ZNF202: variants seen among roughly 807,000 people sequenced by gnomAD.
ZNF202 encodes zinc finger protein with KRAB and SCAN domains 10.
Under a neutral mutation model 54.5 loss-of-function variants are expected in ZNF202, and 22 were observed. That is an observed-to-expected ratio of 0.40 (90% confidence interval 0.29 to 0.58). The LOEUF (loss-of-function observed/expected upper bound fraction) is 0.58. Ranked by LOEUF, ZNF202 falls within the 20% of genes least tolerant of loss-of-function variation. ZNF202 has a pLI of 0.39. For missense variants in ZNF202, 644 were observed against 805.5 expected (o/e 0.80, Z 2.43); for synonymous variants, 294 against 301.4 (o/e 0.98, Z 0.26).
Position 123,726,346 on chromosome 11 carries a change from C to G in ZNF202, c.1598G>C (p.Gly533Ala), listed in dbSNP as rs34111365. The G allele has an allele frequency of 1.6e-4, 258 of 1,614,206 alleles. 1 individual carries two copies. Among genetic ancestry groups the G allele is most frequent in the Non-Finnish European group, 2.1e-4 (249 of 1,180,048 alleles). ...VLTTHQRIHL[G>A]GKPYLCGECG... ...CTCTCCACACAAGTAGGGTTTGCCT[C>G]CCAGGTGGATTCTTTGGTGTGTTGT... is the stretch of plus-strand genomic sequence containing the variant. Residue 533 changes from glycine to alanine, a missense_variant, in exon 9 of 9, where the codon GGA becomes GCA. This residue lies in a region of ZNF202 where 536 missense variants were observed against 635.3 expected (regional missense o/e 0.84). Transcript: ENST00000530393. This position sits in a 1 kb window ranked among gnomAD's most constrained non-coding sequence, Gnocchi z 6.0.
At position 123,728,939 on chromosome 11, in the gene ZNF202, C is replaced by T. The variant is rs556591915; in HGVS notation, c.702+187G>A. Among the ~76,000 whole-genome samples, 4 of 152,232 alleles carry T rather than the reference C, an allele frequency of 2.6e-5. No homozygotes were observed. In the East Asian group the frequency reaches 5.8e-4, roughly 22 times the overall value. On this transcript the variant is annotated intron_variant, in intron 6 of 8. Coordinates refer to ENST00000530393, the MANE Select transcript of ZNF202 (RefSeq NM_003455.4). The stretch of plus-strand genomic sequence containing the variant: ...AATGGCAAATAAACTGGTGTTGGTG[C>T]CTGTGGATCCAATATAAGGTATGAT...
intron 1 of ZNF202, 28 bp downstream of exon 1, chr11:123,741,521 G>GGCCCA (rs1464114124): frequency 9.9e-5 from 15 of 151,830 alleles, no homozygotes; most frequent in South Asian, 4.2e-4. Flanking sequence ...AGCCCGGCCC[G>GGCCCA]GCCCAGCCCA....
chr11:123,726,068 A>G lies in ZNF202; in HGVS notation c.1876T>C (p.Cys626Arg). Residue 626 changes from cysteine to arginine, a missense_variant, in exon 9 of 9, where the codon TGT becomes CGT. Physicochemically the swap from Cys to Arg is radical, Grantham distance 180. Around this residue, in one of 3 missense-constraint regions of ZNF202, gnomAD observed 536 missense variants for 635.3 expected, o/e 0.84. Transcript: ENST00000530393. The surrounding 1 kb of genome is among the most constrained non-coding windows in gnomAD (Gnocchi z 6.0). Reference protein sequence around the residue: ...TGEKPFTCPTCGKSFSRGYHL... With the variant: ...TGEKPFTCPTRGKSFSRGYHL... ...TATCCTCTGCTGAAGCTTTTTCCAC[A>G]GGTAGGGCACGTGAATGGTTTCTCC... The G allele has an allele frequency of 1.2e-6, 2 of 1,614,120 alleles. No homozygotes were observed. Among genetic ancestry groups the G allele is most frequent in the Non-Finnish European group, 1.7e-6 (2 of 1,180,010 alleles).
Position 123,726,235 on chromosome 11 carries a change from C to T in ZNF202, c.1709G>A (p.Cys570Tyr). The T allele has an allele frequency of 1.2e-6, 2 of 1,614,216 alleles. No homozygotes were observed. Among genetic ancestry groups the T allele is most frequent in the African/African-American group, 1.3e-5 (1 of 75,062 alleles). Residue 570 changes from cysteine (C) to tyrosine (Y), a missense_variant, in exon 9 of 9, where the codon TGC (cysteine) becomes TAC (tyrosine). Physicochemically the swap from Cys to Tyr is radical, Grantham distance 194. This residue lies in a region of ZNF202 where 536 missense variants were observed against 635.3 expected (regional missense o/e 0.84). Coordinates refer to ENST00000530393, the MANE Select transcript of ZNF202 (RefSeq NM_003455.4). This position sits in a 1 kb window ranked among gnomAD's most constrained non-coding sequence, Gnocchi z 6.0. ...AAEELYLCSE[C>Y]GRCFTHSAAF... ...TGCGCTGTGGGTGAAGCAGCGCCCG[C>T]ACTCGCTGCAGAGGTAGAGTTCCTC... is the stretch of plus-strand genomic sequence containing the variant.
At position 123,730,384 on chromosome 11, in the gene ZNF202, C is replaced by T. The variant is rs1861353453; in HGVS notation, c.402+103G>A. 3 of 1,405,122 alleles carry T rather than the reference C, an allele frequency of 2.1e-6. No homozygotes were observed. Among genetic ancestry groups the T allele is most frequent in the Non-Finnish European group, 2.8e-6 (3 of 1,056,762 alleles). The allele number at this position is 1,405,122 out of a possible 1,614,324, so 87.0% of individuals were successfully genotyped here. A position where few individuals can be genotyped will look rare whatever the true frequency, so the allele number is the denominator to read the frequency against. On this transcript the variant is annotated intron_variant, in intron 4 of 8. Transcript: ENST00000530393. This position sits in a 1 kb window ranked among gnomAD's most constrained non-coding sequence, Gnocchi z 6.0. Reference sequence around the variant, plus strand: ...TATATGAGCAACCCAAGGGCAGAGCCCACTAATAATTTATGGGGATCCTGC... The same window carrying T: ...TATATGAGCAACCCAAGGGCAGAGCTCACTAATAATTTATGGGGATCCTGC...
intron 6 of ZNF202, 124 bp downstream of exon 6, chr11:123,729,002 C>T: frequency 1.1e-6 from 1 of 904,222 alleles, no homozygotes; most frequent in Non-Finnish European, 1.7e-6. Flanking sequence ...CAGGTACCTG[C>T]AGAACTGTGA....
In ZNF202 at chr11:123,730,975, T is replaced by C; in HGVS notation, c.-87A>G. 1 of 1,481,156 alleles carries C rather than the reference T, an allele frequency of 6.8e-7. No individual in the cohort carries two copies. The highest frequency in any genetic ancestry group is 9.1e-7 in the Non-Finnish European group (1 of 1,103,004). 91.8% of individuals were successfully genotyped at this position (1,481,156 alleles called of 1,614,324 possible). A position where few individuals can be genotyped will look rare whatever the true frequency, so the allele number is the denominator to read the frequency against. On this transcript the variant is annotated 5_prime_UTR_variant, in exon 4 of 9. Transcript: ENST00000530393. The surrounding 1 kb of genome is among the most constrained non-coding windows in gnomAD (Gnocchi z 6.0). ...CAGCCTGGACACAGCGAGGATTTTC[T>C]TCCAAGGGCCCTGGATAGAGAAGTA...
intron 2 of ZNF202, 98 bp downstream of exon 2, chr11:123,740,319 C>A (rs1354783903): frequency 6.6e-6 from 1 of 152,266 alleles, no homozygotes; most frequent in South Asian, 2.1e-4. Flanking sequence ...CCCTGCCCAC[C>A]CTCTTATGCT....
Position 123,730,386 on chromosome 11 carries a change from A to G in ZNF202, c.402+101T>C. 1 of 1,413,614 alleles carries G rather than the reference A, an allele frequency of 7.1e-7. No individual in the cohort carries two copies. Among genetic ancestry groups the G allele is most frequent in the South Asian group, 1.6e-5 (1 of 63,564 alleles). The allele number at this position is 1,413,614 out of a possible 1,614,324, so 87.6% of individuals were successfully genotyped here. On this transcript the variant is annotated intron_variant, in intron 4 of 8. Transcript: ENST00000530393. This position sits in a 1 kb window ranked among gnomAD's most constrained non-coding sequence, Gnocchi z 6.0. ...TATGAGCAACCCAAGGGCAGAGCCC[A>G]CTAATAATTTATGGGGATCCTGCAA...
rs1323417247 is a variant in ZNF202, at chr11:123,725,467, G to C, written c.*530C>G. 1 of 152,730 alleles carries C rather than the reference G, an allele frequency of 6.5e-6. No individual in the cohort carries two copies. The highest frequency in any genetic ancestry group is 1.5e-5 in the Non-Finnish European group (1 of 68,486). 9.5% of individuals were successfully genotyped at this position (152,730 alleles called of 1,614,324 possible). On this transcript the variant is annotated 3_prime_UTR_variant, in exon 9 of 9. Transcript: ENST00000530393. The stretch of plus-strand genomic sequence containing the variant: ...TGGTAAGAAGTGAATCAGACAGCGA[G>C]GGATCTATGCAGTTATCCTGTGAAT...
intron 1 of ZNF202, among the ~76,000 whole-genome samples, chr11:123,741,221 G>A (rs985244029): frequency 6.6e-6 from 1 of 152,130 alleles, no homozygotes; most frequent in Non-Finnish European, 1.5e-5. Flanking sequence ...GCGCGGAAGC[G>A]TTAGGAGGTA....
chr11:123,726,244 C>A lies in ZNF202; in HGVS notation c.1700G>T (p.Cys567Phe), dbSNP rs780986215. The A allele has an allele frequency of 1.2e-5, 20 of 1,614,116 alleles. No individual in the cohort carries two copies. The highest frequency in any genetic ancestry group is 1.4e-5 in the Non-Finnish European group (17 of 1,180,052). The change falls in exon 9 of 9, where the codon TGC (cysteine) becomes TTC (phenylalanine). Residue 567 changes from cysteine (C) to phenylalanine (F), a missense_variant. Coordinates refer to ENST00000530393, the MANE Select transcript of ZNF202 (RefSeq NM_003455.4). The surrounding 1 kb of genome is among the most constrained non-coding windows in gnomAD (Gnocchi z 6.0). ...GGTGAAGCAGCGCCCGCACTCGCTG[C>A]AGAGGTAGAGTTCCTCAGCAGCGTG... ...KTHAAEELYL[C>F]SECGRCFTHS...
chr11:123,739,376 T>C (rs1861765334), intron 3 of ZNF202: 1 of 148,090 alleles, frequency 6.8e-6, no homozygotes, highest in South Asian at 2.3e-4. Flanking sequence ...GTCAATTACG[T>C]GTCCCACACT....
At chr11:123,727,734 G>C (rs1861218506) in intron 7 of ZNF202, 139 bp from the exon 8 acceptor site, 2 of 1,225,776 alleles carry the variant, frequency 1.6e-6, no homozygotes, top group South Asian at 1.5e-5. Context: ...TCTTTAGTTT[G>C]TGTACTTTTA....
In ZNF202 at chr11:123,727,002, G is replaced by A. The variant is rs1861180756; in HGVS notation, c.953-11C>T. 2 of 1,594,522 alleles carry A rather than the reference G, an allele frequency of 1.3e-6. No individual in the cohort carries two copies. Among genetic ancestry groups the A allele is most frequent in the African/African-American group, 2.7e-5 (2 of 73,904 alleles). ...CTTTACTCCTATCTCCTGTAGAAAG[G>A]GTGAGAGGAAAAAGGGGGTCACTGT... On this transcript the variant is annotated splice_polypyrimidine_tract_variant and intron_variant, in intron 8 of 8. Transcript: ENST00000530393.
intron 7 of ZNF202, 32 bp downstream of exon 7, chr11:123,728,101 T>G: frequency 6.3e-7 from 1 of 1,592,972 alleles, no homozygotes; most frequent in Non-Finnish European, 8.6e-7. Flanking sequence ...TCTCTGGGCT[T>G]AGAACACTCT....
In ZNF202 at chr11:123,727,493, A is replaced by G. The variant is rs1861204088; in HGVS notation, c.935T>C (p.Leu312Pro). The G allele has an allele frequency of 6.2e-7, 1 of 1,613,952 alleles. No individual in the cohort carries two copies. The highest frequency in any genetic ancestry group is 8.5e-7 in the Non-Finnish European group (1 of 1,179,972). The change falls in exon 8 of 9, where the codon CTG becomes CCG. Residue 312 changes from leucine to proline, a missense_variant. Transcript: ENST00000530393. ...EPQETQEPEI[L>P]SFTYTGDRSK... ...TTCCTCACCTGTGTAGGTAAAACTC[A>G]GGATTTCTGGCTCTTGAGTCTCCTG...
In ZNF202 at chr11:123,726,857, C is replaced by T; in HGVS notation, c.1087G>A (p.Gly363Ser). 1.9e-6 allele frequency: 3 copies of T among 1,614,200 alleles called. No homozygotes were observed. Among genetic ancestry groups the T allele is most frequent in the Non-Finnish European group, 2.5e-6 (3 of 1,180,030 alleles). The change falls in exon 9 of 9, where the codon GGT becomes AGT. Residue 363 changes from glycine to serine, a missense_variant. Around this residue, in one of 3 missense-constraint regions of ZNF202, gnomAD observed 536 missense variants for 635.3 expected, o/e 0.84. Transcript: ENST00000530393. The surrounding 1 kb of genome is among the most constrained non-coding windows in gnomAD (Gnocchi z 6.0). ...DWEIVFEDNP[G>S]RLNERRFGTN... The stretch of plus-strand genomic sequence containing the variant: ...CCAAATCTTCTTTCATTAAGTCTAC[C>T]TGGATTGTCCTCAAAGACTATTTCC...
chr11:123,731,132 G>C, intron 3 of ZNF202, 147 bp from the exon 4 acceptor site: 2 of 459,968 alleles, frequency 4.3e-6, no homozygotes, highest in Non-Finnish European at 7.6e-6. Context: ...TAAATCAACA[G>C]ATCCAGTTGG....
Sources: allele counts gnomAD v4.1 joint callset (sites outside exome capture counted in the v4.1 genomes callset), GRCh38; gene constraint gnomAD v4.1.1; regional missense constraint gnomAD v4.1.1; non-coding constraint Gnocchi (gnomAD v3.1); transcripts MANE v1.5; gene names NCBI Gene and HGNC (gene_info 2026-07-23, HGNC 2026-07-21).